Variants in SNX29 observed in about 807,000 individuals in gnomAD.
SNX29 encodes the protein sorting nexin-29.
SNX29 carries 78 observed loss-of-function variants against 102.1 expected under a neutral mutation model. That is an observed-to-expected ratio of 0.76 (90% CI 0.64 to 0.92). The LOEUF (loss-of-function observed/expected upper bound fraction) is 0.92. Ranked by LOEUF, SNX29 falls within the 40% of genes least tolerant of loss-of-function variation. The probability of loss-of-function intolerance (pLI) is 0.00; values close to 1 mark genes in which losing one functional copy is unlikely to be tolerated. For synonymous variants in SNX29, 580 were observed against 414.5 expected, an observed-to-expected ratio of 1.40 and a Z score of -4.85; for missense variants, 1,280 against 1,061.7, an observed-to-expected ratio of 1.21 and a Z score of -2.86.
chr16:11,995,990 G>A (rs2056057413), intron 1 of SNX29, among the ~76,000 whole-genome samples: 1 of 151,866 alleles, frequency 6.6e-6, no homozygotes, highest in African/African-American at 2.4e-5. Flanking sequence ...AACCTGGGAG[G>A]TGGAGGTTGC....
chr16:12,148,460 G>A (rs530381882), intron 13 of SNX29, among the ~76,000 whole-genome samples: 2 of 152,084 alleles, frequency 1.3e-5, no homozygotes, highest in Non-Finnish European at 2.9e-5. Context: ...GGGAGTTGAC[G>A]TTAGCTACAT....
chr16:12,484,952 G>C (rs921811153), intron 19 of SNX29, among the ~76,000 whole-genome samples: 1 of 152,198 alleles, frequency 6.6e-6, no homozygotes, highest in Non-Finnish European at 1.5e-5. Flanking sequence ...TCTGTCCCCA[G>C]CTCCTAGAAT....
At chr16:12,476,023 A>G (rs1366197045) in intron 18 of SNX29, among the ~76,000 whole-genome samples, 1 of 152,238 alleles carries the variant, frequency 6.6e-6, no homozygotes. Flanking sequence ...GGGCCAGTCA[A>G]GATATATAGG....
intron 18 of SNX29, among the ~76,000 whole-genome samples, chr16:12,466,183 T>C (rs772861764): frequency 6.6e-6 from 1 of 152,120 alleles, no homozygotes; most frequent in Non-Finnish European, 1.5e-5. Context: ...GGCATCCAAA[T>C]TGGAAAAGCA....
chr16:12,273,324 G>C (rs1482480504), intron 14 of SNX29, among the ~76,000 whole-genome samples: 1 of 137,114 alleles, frequency 7.3e-6, no homozygotes, highest in Non-Finnish European at 1.5e-5. Flanking sequence ...TAATTTTAGT[G>C]GTGGTTTTTT....
At chr16:12,185,139 G>T (rs927617467) in intron 13 of SNX29, among the ~76,000 whole-genome samples, 1 of 152,196 alleles carries the variant, frequency 6.6e-6, no homozygotes, top group Non-Finnish European at 1.5e-5. Flanking sequence ...TGTAGAATTT[G>T]TAGGATTCCC....
chr16:12,078,336 G>A (rs1025831667), intron 10 of SNX29, among the ~76,000 whole-genome samples: 2 of 152,088 alleles, frequency 1.3e-5, no homozygotes, highest in African/African-American at 2.4e-5. Flanking sequence ...TTAGTCGGGT[G>A]TGGTGGTGCG....
intron 20 of SNX29, among the ~76,000 whole-genome samples, chr16:12,566,704 C>T (rs1295559123): frequency 8.1e-3 from 6 of 744 alleles, no homozygotes; most frequent in South Asian, 0.065. Flanking sequence ...AGTGGGGTCC[C>T]CCATCCTTTG....
At chr16:12,562,983 C>A (rs571410691) in intron 20 of SNX29, among the ~76,000 whole-genome samples, 6 of 120,510 alleles carry the variant, frequency 5.0e-5, no homozygotes, top group South Asian at 2.6e-4. Flanking sequence ...AGGGCTGATG[C>A]GTAAGAAAAA....
intron 15 of SNX29, among the ~76,000 whole-genome samples, chr16:12,346,550 C>T (rs1012219420): frequency 2.0e-5 from 3 of 152,084 alleles, no homozygotes; most frequent in Non-Finnish European, 2.9e-5. Flanking sequence ...CGCACCACGC[C>T]GCACACCCTC....
At chr16:12,203,524 C>T (rs74430257) in intron 14 of SNX29, among the ~76,000 whole-genome samples, 1 of 78,414 alleles carries the variant, frequency 1.3e-5, no homozygotes, top group East Asian at 4.1e-4. Context: ...TGTGGCCTCG[C>T]TGTCAGTTGG....
At chr16:12,537,320 C>G (rs369493639) in intron 20 of SNX29, among the ~76,000 whole-genome samples, 1 of 152,138 alleles carries the variant, frequency 6.6e-6, no homozygotes, top group Non-Finnish European at 1.5e-5. Context: ...GTGGCTAAGC[C>G]AAAGCTCTGT....
intron 17 of SNX29, among the ~76,000 whole-genome samples, chr16:12,401,359 ATTTTTTTT>A (rs35886680): frequency 6.9e-5 from 7 of 101,490 alleles, no homozygotes; most frequent in East Asian, 3.1e-4. Flanking sequence ...ATAGAGTTAA[ATTTTTTTT>A]TTTTTTTTTT....
At chr16:12,476,421 T>TATATATATATATATATAC (rs2087640830) in intron 18 of SNX29, among the ~76,000 whole-genome samples, 3 of 51,980 alleles carry the variant, frequency 5.8e-5, no homozygotes, top group Non-Finnish European at 7.6e-5. Flanking sequence ...TACATATATA[T>TATATATATATATATATAC]ATATATATAT....
intron 16 of SNX29, among the ~76,000 whole-genome samples, chr16:12,398,083 A>T (rs2083783520): frequency 1.3e-5 from 2 of 152,184 alleles, no homozygotes; most frequent in African/African-American, 4.8e-5. Context: ...GATGTTCATC[A>T]TGGTAACAAT....
chr16:12,454,155 G>A (rs2086429336), intron 18 of SNX29, among the ~76,000 whole-genome samples: 1 of 152,128 alleles, frequency 6.6e-6, no homozygotes, highest in South Asian at 2.1e-4. Flanking sequence ...TACATGCCTT[G>A]CCTTTCTGCT....
chr16:12,212,279 G>C (rs146706601), intron 14 of SNX29, among the ~76,000 whole-genome samples: 1 of 152,334 alleles, frequency 6.6e-6, no homozygotes, highest in Non-Finnish European at 1.5e-5. Context: ...AGCCAGGTTA[G>C]AGTGGGAGGG....
At chr16:11,994,208 A>C (rs899070980) in intron 1 of SNX29, among the ~76,000 whole-genome samples, 3 of 152,220 alleles carry the variant, frequency 2.0e-5, no homozygotes, top group Non-Finnish European at 2.9e-5. Context: ...GAGTAGAGTT[A>C]GGGAGTGTCA....
chr16:12,148,217 G>T (rs1446352341), intron 13 of SNX29, among the ~76,000 whole-genome samples: 1 of 152,226 alleles, frequency 6.6e-6, no homozygotes. Flanking sequence ...ACAGGTTAAA[G>T]TGGAGAGGTG....
Sources: gnomAD v4.1 joint callset for allele counts (sites outside exome capture counted in the v4.1 genomes callset) on GRCh38, gnomAD v4.1.1 for gene constraint, MANE v1.5 for transcripts, NCBI Gene and HGNC (gene_info 2026-07-23, HGNC 2026-07-21) for gene names.